PTBP2: variants seen among roughly 807,000 people sequenced by gnomAD.
The protein encoded by PTBP2 is polypyrimidine tract-binding protein 2.
A neutral mutation model predicts 61.4 loss-of-function variants in PTBP2; 13 were observed. The ratio of observed to expected loss-of-function variants is 0.21; its 90% CI spans 0.14 to 0.34. The LOEUF (loss-of-function observed/expected upper bound fraction) is 0.34. Ranked by LOEUF, PTBP2 falls within the 10% of genes least tolerant of loss-of-function variation. PTBP2 has a pLI of 1.00. For missense variants in PTBP2, 405 were observed against 642.6 expected, an observed-to-expected ratio of 0.63 and a Z score of 4.00; for synonymous variants, 215 against 218.5, an observed-to-expected ratio of 0.98 and a Z score of 0.14.
chr1:96,788,499 G>C (rs1157266010), intron 8 of PTBP2, among the ~76,000 whole-genome samples: 2 of 151,960 alleles, frequency 1.3e-5, no homozygotes, highest in African/African-American at 4.8e-5. Flanking sequence ...ATGCCTTTTA[G>C]AATAATAACT....
intron 2 of PTBP2, among the ~76,000 whole-genome samples, chr1:96,727,319 G>C (rs764269505): frequency 1.3e-5 from 2 of 151,788 alleles, no homozygotes; most frequent in Non-Finnish European, 2.9e-5. Flanking sequence ...CATTTGTATT[G>C]TTTTCCGTTT....
Position 96,751,448 on chromosome 1 carries a change from A to C in PTBP2, c.63A>C (p.Ser21=), listed in dbSNP as rs1220305064. ...AGAGAGGATCTGACGAACTACTCTC[A>C]GGCAGTGTTCTCAGTAGTCCGAACT... The part of the protein sequence containing the change: ...GVKRGSDELL[S]GSVLSSPNSN... Residue 21 remains serine, a synonymous_variant, in exon 3 of 14, where the codon TCA becomes TCC. Transcript: ENST00000674951. 1 of 1,612,944 alleles carries C rather than the reference A, an allele frequency of 6.2e-7. No homozygotes were observed. The highest frequency in any genetic ancestry group is 1.1e-5 in the South Asian group (1 of 91,002).
intron 2 of PTBP2, among the ~76,000 whole-genome samples, chr1:96,726,729 G>A (rs372063515): frequency 6.6e-6 from 1 of 152,048 alleles, no homozygotes; most frequent in South Asian, 2.1e-4. Context: ...GAGCCACCGC[G>A]CCTAGCCAAA....
At chr1:96,778,990 G>A (rs756147327) in intron 7 of PTBP2, among the ~76,000 whole-genome samples, 4 of 152,002 alleles carry the variant, frequency 2.6e-5, no homozygotes, top group Non-Finnish European at 5.9e-5. Context: ...AACAAAACAG[G>A]GTTTTCCCCT....
intron 2 of PTBP2, among the ~76,000 whole-genome samples, chr1:96,735,193 T>C (rs928038484): frequency 6.6e-6 from 1 of 152,076 alleles, no homozygotes; most frequent in East Asian, 1.9e-4. Flanking sequence ...GCTGGGATTA[T>C]AGGCATGAGC....
intron 2 of PTBP2, among the ~76,000 whole-genome samples, chr1:96,749,064 G>C (rs1180169278): frequency 6.6e-6 from 1 of 152,026 alleles, no homozygotes; most frequent in Admixed American, 6.6e-5. Context: ...CGGCAGGTAT[G>C]AAATCATTTG....
intron 3 of PTBP2, among the ~76,000 whole-genome samples, chr1:96,768,478 A>G (rs986031654): frequency 6.6e-6 from 1 of 152,010 alleles, no homozygotes; most frequent in Admixed American, 6.6e-5. Context: ...AAAATGGAGT[A>G]TACATGTATA....
intron 2 of PTBP2, among the ~76,000 whole-genome samples, chr1:96,748,767 C>G (rs1654162788): frequency 6.6e-6 from 1 of 152,134 alleles, no homozygotes; most frequent in Admixed American, 6.5e-5. Flanking sequence ...TACCATTGAT[C>G]ATTTATTTCA....
chr1:96,818,810 T>C (rs1662575573), downstream of PTBP2: 1 of 152,040 alleles, frequency 6.6e-6, no homozygotes, highest in Non-Finnish European at 1.5e-5. Context: ...GATATCTAGT[T>C]TTAACCAGCT....
intron 5 of PTBP2, among the ~76,000 whole-genome samples, chr1:96,772,675 T>G (rs1657515364): frequency 6.6e-6 from 1 of 152,242 alleles, no homozygotes; most frequent in Admixed American, 6.5e-5. Context: ...GTGTTATTTG[T>G]CTTTCTTTGT....
rs200870302 is a variant in PTBP2, at chr1:96,800,913, G to GA, written c.905-3877dup. On this transcript the variant is annotated intron_variant, in intron 8 of 13. Coordinates refer to ENST00000674951, the MANE Select transcript of PTBP2 (RefSeq NM_021190.4). ...CTCTACTGGAAAACCCAGATTTCAA[G>GA]AAAAAAAAAATGTATTTTGAAAACA... Among the ~76,000 whole-genome samples, 196 of 147,190 alleles carry GA rather than the reference G, an allele frequency of 1.3e-3. 2 individuals are homozygous for GA. The highest frequency in any genetic ancestry group is 1.7e-3 in the Non-Finnish European group (111 of 66,518).
At chr1:96,802,572 A>T (rs1661128527) in intron 8 of PTBP2, among the ~76,000 whole-genome samples, 1 of 152,142 alleles carries the variant, frequency 6.6e-6, no homozygotes, top group South Asian at 2.1e-4. Context: ...AAGTGATTTA[A>T]TTTTTTTATT....
intron 2 of PTBP2, among the ~76,000 whole-genome samples, chr1:96,724,407 C>T (rs564967054): frequency 9.9e-5 from 15 of 152,062 alleles, no homozygotes; most frequent in Admixed American, 3.9e-4. Flanking sequence ...CGCACCACCA[C>T]GCCCAGCTAA....
chr1:96,793,318 A>G (rs867045818), intron 8 of PTBP2, among the ~76,000 whole-genome samples: 3 of 152,194 alleles, frequency 2.0e-5, no homozygotes, highest in Non-Finnish European at 2.9e-5. Context: ...TGGAAAAAAC[A>G]TTGGAAGAGC....
chr1:96,777,099 A>G (rs1658124412), intron 5 of PTBP2, among the ~76,000 whole-genome samples: 1 of 152,126 alleles, frequency 6.6e-6, no homozygotes, highest in African/African-American at 2.4e-5. Flanking sequence ...TAAGTGTAGT[A>G]TGAAAAATGT....
intron 2 of PTBP2, among the ~76,000 whole-genome samples, chr1:96,737,772 A>G (rs1377238906): frequency 1.3e-5 from 2 of 152,234 alleles, no homozygotes; most frequent in African/African-American, 2.4e-5. Context: ...ATTTGCAGTG[A>G]GGACCTTTGA....
At chr1:96,778,167 CT>C (rs371248551) in intron 7 of PTBP2, among the ~76,000 whole-genome samples, 3,539 of 125,214 alleles carry the variant, frequency 0.028, 45 homozygotes, top group Middle Eastern at 0.048. Flanking sequence ...TATTATTTTA[CT>C]TTTTTTTTTT....
chr1:96,801,636 C>T (rs1661006129), intron 8 of PTBP2, among the ~76,000 whole-genome samples: 2 of 151,350 alleles, frequency 1.3e-5, no homozygotes, highest in African/African-American at 4.9e-5. Flanking sequence ...AGGTGGATCA[C>T]CTGAGGTCAG....
At chr1:96,786,520 A>G (rs661203) in intron 8 of PTBP2, among the ~76,000 whole-genome samples, 41,002 of 152,056 alleles carry the variant, frequency 0.27, 6,761 homozygotes, top group East Asian at 0.44. Context: ...TTTAAAGGCA[A>G]AGTCAGGAAT....
Sources: gnomAD v4.1 joint callset for allele counts (sites outside exome capture counted in the v4.1 genomes callset) on GRCh38, gnomAD v4.1.1 for gene constraint, MANE v1.5 for transcripts, NCBI Gene and HGNC (gene_info 2026-07-23, HGNC 2026-07-21) for gene names.